APBA2: variants seen among roughly 807,000 people sequenced by gnomAD.
The protein encoded by APBA2 is amyloid beta precursor protein binding family A member 2.
Under a neutral mutation model 75.0 loss-of-function variants are expected in APBA2, and 30 were observed. The ratio of observed to expected loss-of-function variants is 0.40; its 90% confidence interval spans 0.30 to 0.54. The LOEUF is 0.54. APBA2 is among the 20% of genes least tolerant of loss of function. The pLI is 0.49. For missense variants in APBA2, 801 were observed against 1,016.1 expected, an observed-to-expected ratio of 0.79 and a Z score of 2.88; for synonymous variants, 444 against 409.6, an observed-to-expected ratio of 1.08 and a Z score of -1.01.
chr15:29,061,289 C>G (rs1299271986), intron 4 of APBA2, among the ~76,000 whole-genome samples: 1 of 152,196 alleles, frequency 6.6e-6, no homozygotes, highest in African/African-American at 2.4e-5. Flanking sequence ...GCCTGAAATT[C>G]TCCCTGTAGA....
At chr15:28,925,957 G>A (rs934250908) in intron 2 of APBA2, among the ~76,000 whole-genome samples, 3 of 152,000 alleles carry the variant, frequency 2.0e-5, no homozygotes, top group Non-Finnish European at 4.4e-5. Flanking sequence ...ATTTTCCTTG[G>A]TTGGTAGTCT....
rs76293333 is a variant in APBA2, at chr15:28,954,339, G to C, written c.-95+32590G>C. On this transcript the variant is annotated intron_variant, in intron 2 of 14. Transcript: ENST00000683413. The stretch of plus-strand genomic sequence containing the variant: ...AATGCTCCTCCGACCAGAGCTCTCC[G>C]TTCCCTGGCCATCCCATTAAGAGTA... Among the ~76,000 whole-genome samples the C allele has an allele frequency of 1.7e-3, 261 of 152,092 alleles. 1 individual carries two copies. The highest frequency in any genetic ancestry group is 2.5e-3 in the Non-Finnish European group (169 of 68,008).
chr15:28,917,805 T>A (rs1432887743), intron 1 of APBA2, among the ~76,000 whole-genome samples: 1 of 152,226 alleles, frequency 6.6e-6, no homozygotes, highest in East Asian at 1.9e-4. Flanking sequence ...ATTAGCTGAC[T>A]CTTGTTTTGA....
intron 3 of APBA2, among the ~76,000 whole-genome samples, chr15:29,009,405 GCTT>G: frequency 6.6e-6 from 1 of 152,228 alleles, no homozygotes; most frequent in African/African-American, 2.4e-5. Context: ...TTTAAAATAA[GCTT>G]CTTAATTCAA....
At chr15:28,923,144 T>C (rs1248708426) in intron 2 of APBA2, among the ~76,000 whole-genome samples, 1 of 152,220 alleles carries the variant, frequency 6.6e-6, no homozygotes, top group Non-Finnish European at 1.5e-5. Context: ...CTGATACATA[T>C]GCATATTTTA....
chr15:29,076,372 T>C (rs2042851501), intron 6 of APBA2, among the ~76,000 whole-genome samples: 1 of 152,142 alleles, frequency 6.6e-6, no homozygotes. Context: ...ACTGAATAGA[T>C]TGAGATGTGT....
chr15:28,978,259 G>A (rs1053708069), intron 2 of APBA2, among the ~76,000 whole-genome samples: 1 of 152,202 alleles, frequency 6.6e-6, no homozygotes, highest in African/African-American at 2.4e-5. Context: ...CAGTGCAGAA[G>A]CCATAAGCCG....
At chr15:29,043,059 T>C (rs530204703) in intron 3 of APBA2, among the ~76,000 whole-genome samples, 1 of 152,282 alleles carries the variant, frequency 6.6e-6, no homozygotes, top group East Asian at 1.9e-4. Flanking sequence ...AGTTGACTTC[T>C]TACTGTTAGA....
At chr15:29,057,428 C>G (rs529488240) in intron 4 of APBA2, among the ~76,000 whole-genome samples, 7 of 152,246 alleles carry the variant, frequency 4.6e-5, no homozygotes, top group Admixed American at 1.3e-4. Context: ...TTAGTCATTG[C>G]ACGAATGGCA....
intron 3 of APBA2, among the ~76,000 whole-genome samples, chr15:28,997,677 C>T (rs1007512103): frequency 6.6e-6 from 1 of 152,168 alleles, no homozygotes; most frequent in African/African-American, 2.4e-5. Flanking sequence ...CTTATGGAAC[C>T]TGGGGTGTCA....
chr15:29,092,314 C>T (rs2043616437), intron 6 of APBA2, among the ~76,000 whole-genome samples: 1 of 152,148 alleles, frequency 6.6e-6, no homozygotes, highest in Non-Finnish European at 1.5e-5. Context: ...TTGTGGGCAA[C>T]ATGGACAGGA....
chr15:29,045,097 C>CG (rs2041249598), intron 3 of APBA2, among the ~76,000 whole-genome samples: 1 of 124,186 alleles, frequency 8.1e-6, no homozygotes, highest in African/African-American at 6.0e-5. Flanking sequence ...CTCTCTCTCT[C>CG]TCTCTCGTCT....
intron 3 of APBA2, among the ~76,000 whole-genome samples, chr15:29,041,972 C>T (rs1248834980): frequency 3.3e-5 from 5 of 152,166 alleles, no homozygotes; most frequent in African/African-American, 1.2e-4. Flanking sequence ...GACTGGGTGG[C>T]ATAAACAACA....
intron 6 of APBA2, among the ~76,000 whole-genome samples, chr15:29,082,745 C>T (rs371063832): frequency 6.6e-6 from 1 of 152,218 alleles, no homozygotes; most frequent in East Asian, 1.9e-4. Context: ...GTGACCATCA[C>T]ACTCCTAAGA....
At chr15:29,116,450 C>T (rs929584310) in intron 14 of APBA2, among the ~76,000 whole-genome samples, 1 of 151,918 alleles carries the variant, frequency 6.6e-6, no homozygotes. Context: ...CACGGTGAAA[C>T]CCCGTCTCTG....
intron 2 of APBA2, among the ~76,000 whole-genome samples, chr15:28,928,141 C>CT (rs2034374807): frequency 4.3e-5 from 1 of 23,032 alleles, no homozygotes; most frequent in African/African-American, 3.4e-4. Flanking sequence ...GAGACTCCAT[C>CT]TAAAAAAAAA....
At chr15:28,958,364 G>A (rs1425240424) in intron 2 of APBA2, among the ~76,000 whole-genome samples, 1 of 152,252 alleles carries the variant, frequency 6.6e-6, no homozygotes, top group Non-Finnish European at 1.5e-5. Context: ...GGAGCTGTTT[G>A]TTGTCACAGC....
intron 4 of APBA2, among the ~76,000 whole-genome samples, chr15:29,069,563 A>G (rs1452823564): frequency 1.3e-5 from 2 of 152,242 alleles, no homozygotes; most frequent in Non-Finnish European, 2.9e-5. Flanking sequence ...TCACCGCTTC[A>G]GCTCCTCTGG....
intron 4 of APBA2, among the ~76,000 whole-genome samples, chr15:29,067,094 A>T (rs1257122051): frequency 1.4e-5 from 2 of 146,442 alleles, no homozygotes; most frequent in Non-Finnish European, 2.9e-5. Flanking sequence ...ACTTTTAAAC[A>T]ACCAGTTCTC....
Sources: allele counts gnomAD v4.1 joint callset (sites outside exome capture counted in the v4.1 genomes callset), GRCh38; gene constraint gnomAD v4.1.1; transcripts MANE v1.5; gene names NCBI Gene and HGNC (gene_info 2026-07-23, HGNC 2026-07-21).